KCNAB1: variants seen among roughly 807,000 people sequenced by gnomAD.
The protein encoded by KCNAB1 is voltage-gated potassium channel subunit beta-1.
Under a neutral mutation model 64.6 loss-of-function variants are expected in KCNAB1, and 35 were observed. The observed-to-expected ratio is 0.54, with a 90% confidence interval of 0.41 to 0.72. The LOEUF (loss-of-function observed/expected upper bound fraction) is 0.72, where lower values mean the gene tolerates loss of function less well. Among genes scored for constraint, KCNAB1 ranks in the 30% least tolerant of loss-of-function variants. The pLI is 0.00. For synonymous variants in KCNAB1, 177 were observed against 183.8 expected, an observed-to-expected ratio of 0.96 and a Z score of 0.30; for missense variants, 401 against 512.9, an observed-to-expected ratio of 0.78 and a Z score of 2.11.
chr3:156,135,571 A>G (rs1714295865), intron 1 of KCNAB1, among the ~76,000 whole-genome samples: 1 of 152,240 alleles, frequency 6.6e-6, no homozygotes, highest in Non-Finnish European at 1.5e-5. Context: ...TTAGACTCCT[A>G]GATATTTTAG....
rs1472954650 is a variant in KCNAB1 at position 156,473,434 on chromosome 3, CTCATA to C, written c.572-1295_572-1291del. Among the ~76,000 whole-genome samples, 4 of 152,276 alleles carry C rather than the reference CTCATA, an allele frequency of 2.6e-5. No individual in the cohort carries two copies. In the East Asian group the frequency reaches 7.7e-4, roughly 29 times the overall value. ...TGCATACAACTGTCCCCAAAAGTGG[CTCATA>C]TCATGATACTTTTTCATGTTAATTT... On this transcript the variant is annotated intron_variant, in intron 7 of 13. Coordinates refer to ENST00000490337, the MANE Select transcript of KCNAB1 (RefSeq NM_172160.3).
At chr3:156,362,172 G>A (rs12107383) in intron 1 of KCNAB1, among the ~76,000 whole-genome samples, 21,938 of 147,884 alleles carry the variant, frequency 0.15, 1,764 homozygotes, top group Middle Eastern at 0.22. Flanking sequence ...ACTGAAAAGT[G>A]TACAGTGAAA....
chr3:156,536,453 T>C, intron 13 of KCNAB1: 1 of 545,068 alleles, frequency 1.8e-6, no homozygotes, highest in Non-Finnish European at 3.3e-6. Context: ...CTTATGCCTT[T>C]ATGCCTTCAT....
At chr3:156,273,660 T>A (rs936385244) in intron 1 of KCNAB1, 1 of 455,518 alleles carries the variant, frequency 2.2e-6, no homozygotes, top group Non-Finnish European at 4.4e-6. Flanking sequence ...TTTTCAGCGA[T>A]ATGAAGTTAA....
intron 1 of KCNAB1, chr3:156,292,222 CAG>C (rs1413693870): frequency 1.8e-5 from 25 of 1,362,984 alleles, no homozygotes; most frequent in Non-Finnish European, 2.3e-5. Context: ...ATTTACTCAT[CAG>C]TGGGTTGCTC....
At chr3:156,260,292 T>C (rs1017678048) in intron 1 of KCNAB1, among the ~76,000 whole-genome samples, 4 of 152,230 alleles carry the variant, frequency 2.6e-5, no homozygotes, top group South Asian at 2.1e-4. Flanking sequence ...TTATATACCA[T>C]AAAATTCACT....
chr3:156,306,948 C>T (rs545038480), intron 1 of KCNAB1, among the ~76,000 whole-genome samples: 1 of 152,298 alleles, frequency 6.6e-6, no homozygotes, highest in East Asian at 1.9e-4. Context: ...GGGACCTTGA[C>T]CCAATCTCAG....
intron 1 of KCNAB1, among the ~76,000 whole-genome samples, chr3:156,312,274 G>C (rs1486381787): frequency 1.3e-5 from 2 of 152,172 alleles, no homozygotes. Flanking sequence ...TTAAACTTAA[G>C]ACAGAAATCA....
At chr3:156,192,899 G>C (rs1408816483) in intron 1 of KCNAB1, among the ~76,000 whole-genome samples, 1 of 151,984 alleles carries the variant, frequency 6.6e-6, no homozygotes, top group African/African-American at 2.4e-5. Context: ...TAGCTCTCTT[G>C]TAGGTGGGAG....
intron 1 of KCNAB1, among the ~76,000 whole-genome samples, chr3:156,321,831 A>T (rs992097940): frequency 6.6e-6 from 1 of 152,202 alleles, no homozygotes; most frequent in Non-Finnish European, 1.5e-5. Context: ...CCAGAAAGTC[A>T]AGATCCTTTA....
At chr3:156,492,739 A>G (rs1228558946) in intron 8 of KCNAB1, among the ~76,000 whole-genome samples, 1 of 152,170 alleles carries the variant, frequency 6.6e-6, no homozygotes, top group African/African-American at 2.4e-5. Flanking sequence ...TATTAATAAG[A>G]TAGTGGGTGT....
chr3:156,177,862 C>T (rs1712506492), intron 1 of KCNAB1, among the ~76,000 whole-genome samples: 1 of 151,278 alleles, frequency 6.6e-6, no homozygotes, highest in Admixed American at 6.6e-5. Context: ...TTCAGCCTCC[C>T]GAGTAGCTGG....
At chr3:156,229,421 A>G (rs762104431) in intron 1 of KCNAB1, among the ~76,000 whole-genome samples, 1 of 152,182 alleles carries the variant, frequency 6.6e-6, no homozygotes, top group Non-Finnish European at 1.5e-5. Flanking sequence ...TCCTCCCACC[A>G]GGCCCCTCCT....
chr3:156,134,483 G>A (rs1714190024), intron 1 of KCNAB1, among the ~76,000 whole-genome samples: 1 of 152,174 alleles, frequency 6.6e-6, no homozygotes, highest in Admixed American at 6.5e-5. Context: ...ACTCAACCAG[G>A]AGGTTTGAAA....
intron 1 of KCNAB1, among the ~76,000 whole-genome samples, chr3:156,408,159 T>G (rs1714382892): frequency 6.6e-6 from 1 of 152,062 alleles, no homozygotes; most frequent in African/African-American, 2.4e-5. Flanking sequence ...TTTTTCTCCT[T>G]CTCTAGGCCT....
chr3:156,428,618 C>G (rs1361761745), intron 2 of KCNAB1, among the ~76,000 whole-genome samples: 1 of 151,528 alleles, frequency 6.6e-6, no homozygotes, highest in Non-Finnish European at 1.5e-5. Flanking sequence ...TGTATGTGGC[C>G]AACCAGAGTT....
In KCNAB1 at chr3:156,452,861, T is replaced by C. The variant is rs1712109960; in HGVS notation, c.320-38T>C. ...CTTATTACGCACAATATTAGAAAAA[T>C]GATGATGAATAATATGCAAATATTT... On this transcript the variant is annotated intron_variant, in intron 2 of 13. Coordinates refer to ENST00000490337, the MANE Select transcript of KCNAB1 (RefSeq NM_172160.3). This position sits in a 1 kb window ranked among gnomAD's most constrained non-coding sequence, Gnocchi z 4.6. 1 of 1,474,446 alleles carries C rather than the reference T, an allele frequency of 6.8e-7. No individual in the cohort carries two copies. Among genetic ancestry groups the C allele is most frequent in the African/African-American group, 1.4e-5 (1 of 71,240 alleles). The allele number at this position is 1,474,446 out of a possible 1,614,324, so 91.3% of individuals were successfully genotyped here.
chr3:156,420,048 C>G (rs138300944), intron 1 of KCNAB1, among the ~76,000 whole-genome samples: 124 of 152,382 alleles, frequency 8.1e-4, no homozygotes, highest in African/African-American at 2.8e-3. Flanking sequence ...ATATTTTCCA[C>G]ATGCATCTTT....
intron 8 of KCNAB1, among the ~76,000 whole-genome samples, chr3:156,505,608 T>A (rs1716784340): frequency 6.6e-6 from 1 of 152,188 alleles, no homozygotes; most frequent in South Asian, 2.1e-4. Context: ...ATTGTAGAGA[T>A]TTTTTACCTT....
Sources: allele counts gnomAD v4.1 joint callset (sites outside exome capture counted in the v4.1 genomes callset), GRCh38; gene constraint gnomAD v4.1.1; non-coding constraint Gnocchi (gnomAD v3.1); transcripts MANE v1.5; gene names NCBI Gene and HGNC (gene_info 2026-07-23, HGNC 2026-07-21).